Variants in GPLD1 observed in about 807,000 individuals in gnomAD.
GPLD1 encodes the protein glycosylphosphatidylinositol specific phospholipase D1, also known as phosphatidylinositol-glycan-specific phospholipase D.
In GPLD1, 84 loss-of-function variants were observed where a neutral mutation model predicts 112.6. The ratio of observed to expected loss-of-function variants is 0.75; its 90% CI spans 0.63 to 0.89. The LOEUF (loss-of-function observed/expected upper bound fraction) is 0.89, where lower values mean the gene tolerates loss of function less well. Among genes scored for constraint, GPLD1 ranks in the 40% least tolerant of loss-of-function variants. The pLI is 0.00. For synonymous variants in GPLD1, 386 were observed against 403.8 expected, an observed-to-expected ratio of 0.96 and a Z score of 0.53; for missense variants, 1,044 against 1,051.5, an observed-to-expected ratio of 0.99 and a Z score of 0.10.
chr6:24,477,640 G>A (rs1053050477), intron 3 of GPLD1, among the ~76,000 whole-genome samples: 1 of 152,090 alleles, frequency 6.6e-6, no homozygotes, highest in African/African-American at 2.4e-5. Flanking sequence ...TGAGGCAGGA[G>A]GGTTGCTTGA....
chr6:24,465,925 C>G (rs1272636432), intron 10 of GPLD1, among the ~76,000 whole-genome samples: 1 of 152,102 alleles, frequency 6.6e-6, no homozygotes, highest in Non-Finnish European at 1.5e-5. Flanking sequence ...GTGAGGTATC[C>G]TTTGACACCC....
At chr6:24,441,926 T>C (rs1162521458) in intron 20 of GPLD1, among the ~76,000 whole-genome samples, 1 of 150,508 alleles carries the variant, frequency 6.6e-6, no homozygotes, top group Non-Finnish European at 1.5e-5. Flanking sequence ...AACAATAACC[T>C]GATGGTGACA....
chr6:24,485,825 A>T (rs1764354512), intron 2 of GPLD1, among the ~76,000 whole-genome samples: 2 of 151,880 alleles, frequency 1.3e-5, no homozygotes, highest in African/African-American at 2.4e-5. Flanking sequence ...ATGCACCACC[A>T]CGCCCGGCTA....
In GPLD1 at chr6:24,495,026, T is replaced by TG. The variant is rs1397344379; in HGVS notation, n.179dup. On this transcript the variant is annotated non_coding_transcript_exon_variant, in exon 1 of 11. Coordinates refer to the GPLD1 transcript ENST00000474784. ...CGACCTGCATTTGGCTGCGGAGCTG[T>TG]GGGGCCCGGCGCCTCGGGTCGACGT... The TG allele has an allele frequency of 3.7e-5, 50 of 1,343,128 alleles. No homozygotes were observed. The highest frequency in any genetic ancestry group is 4.7e-5 in the Non-Finnish European group (49 of 1,050,580). 83.2% of individuals were successfully genotyped at this position (1,343,128 alleles called of 1,614,324 possible).
Position 24,454,020 on chromosome 6 carries a change from A to C in GPLD1, c.1330T>G (p.Phe444Val). Residue 444 changes from phenylalanine (F) to valine (V), a missense_variant, in exon 14 of 25, where the codon TTC becomes GTC. Transcript: ENST00000230036. ...AGGATGAGATGGTGTCTCACCTGGA[A>C]GCCTTCAAGGATCCTGTGGGCCTCC... is the stretch of plus-strand genomic sequence containing the variant. Reference protein sequence around the residue: ...DKEAHRILEGFQPSGRFGSAL... With the variant: ...DKEAHRILEGVQPSGRFGSAL... 2 of 1,605,800 alleles carry C rather than the reference A, an allele frequency of 1.2e-6. No individual in the cohort carries two copies. The highest frequency in any genetic ancestry group is 1.7e-6 in the Non-Finnish European group (2 of 1,174,038).
In GPLD1 at chr6:24,437,203, G is replaced by T. The variant is rs766572741; in HGVS notation, c.2107C>A (p.Pro703Thr). 1.2e-6 allele frequency: 2 copies of T among 1,614,044 alleles called. No individual in the cohort carries two copies. The highest frequency in any genetic ancestry group is 2.2e-5 in the East Asian group (1 of 44,882). ...CCGCTGAAGGTGCTGAGCAGCAGAG[G>T]CTGCGCGTCAGATGTGAGTGCGTAC... The part of the protein sequence containing the change: ...RMYALTSDAQ[P>T]LLLSTFSGDR... The change falls in exon 21 of 25, where the codon CCT (proline) becomes ACT (threonine). Residue 703 changes from proline to threonine, a missense_variant. Pro to Thr is a conservative substitution (Grantham distance 38, BLOSUM62 -1). Coordinates refer to ENST00000230036, the MANE Select transcript of GPLD1 (RefSeq NM_001503.4).
Position 24,429,057 on chromosome 6 carries a change from T to G in GPLD1, c.2498A>C (p.His833Pro). The G allele has an allele frequency of 6.2e-7, 1 of 1,613,446 alleles. No homozygotes were observed. The highest frequency in any genetic ancestry group is 1.1e-5 in the South Asian group (1 of 91,014). ...TCAATCTGAGCCAAGGCTATAGACG[T>G]GAAGTGCCCCGGAGAGTCGGGCTCC... ...SLGARLSGAL[H>P]VYSLGSD The change falls in exon 25 of 25, where the codon CAC (histidine) becomes CCC (proline). Residue 833 changes from histidine to proline, a missense_variant. Transcript: ENST00000230036.
chr6:24,474,613 G>A (rs932525083), intron 5 of GPLD1, among the ~76,000 whole-genome samples: 3 of 152,114 alleles, frequency 2.0e-5, no homozygotes, highest in African/African-American at 7.2e-5. Flanking sequence ...CTCTGCTCTT[G>A]TGGATGAATC....
At chr6:24,467,472 A>C (rs1763657134) in intron 7 of GPLD1, among the ~76,000 whole-genome samples, 198 bp from the exon 8 acceptor site, 1 of 152,226 alleles carries the variant, frequency 6.6e-6, no homozygotes, top group Non-Finnish European at 1.5e-5. Context: ...ACATAAGAAG[A>C]AATGATTAAG....
chr6:24,472,556 C>CATAA lies in GPLD1; in HGVS notation c.545+25_545+26insTTAT, dbSNP rs370054303. On this transcript the variant is annotated intron_variant, in intron 7 of 24. Coordinates refer to ENST00000230036, the MANE Select transcript of GPLD1 (RefSeq NM_001503.4). ...GGCTCTAAATGCCACTTAGATACCA[C>CATAA]ATATTTAGATGTACATTGCTCTTAC... The CATAA allele has an allele frequency of 9.3e-6, 13 of 1,398,866 alleles. No homozygotes were observed. The African/African-American group carries it at 1.8e-4, about 20-fold the overall frequency. The allele number at this position is 1,398,866 out of a possible 1,614,324, so 86.7% of individuals were successfully genotyped here. A position where few individuals can be genotyped will look rare whatever the true frequency, so the allele number is the denominator to read the frequency against.
Position 24,445,776 on chromosome 6 carries a change from C to T in GPLD1, c.1876G>A (p.Gly626Ser). 4 of 1,613,888 alleles carry T rather than the reference C, an allele frequency of 2.5e-6. No homozygotes were observed. The highest frequency in any genetic ancestry group is 3.4e-6 in the Non-Finnish European group (4 of 1,179,952). The change falls in exon 19 of 25, where the codon GGC becomes AGC. Residue 626 changes from glycine to serine, a missense_variant. Physicochemically the swap from Gly to Ser is moderately conservative, Grantham distance 56 (BLOSUM62 0). Transcript: ENST00000230036. ...DEKKSLGRVY[G>S]YFPPNGQSWF... The stretch of plus-strand genomic sequence containing the variant: ...CTTTGGCCGTTTGGTGGGAAGTAGC[C>T]ATACACCCTCCCAAGGCTCTTTTTC...
At chr6:24,476,584 A>C (rs1461751367) in intron 3 of GPLD1, among the ~76,000 whole-genome samples, 1 of 152,150 alleles carries the variant, frequency 6.6e-6, no homozygotes, top group Non-Finnish European at 1.5e-5. Context: ...AATTGTTTCC[A>C]TTTCTGTGCC....
At chr6:24,477,078 C>G (rs1764046811) in intron 3 of GPLD1, among the ~76,000 whole-genome samples, 1 of 151,762 alleles carries the variant, frequency 6.6e-6, no homozygotes, top group African/African-American at 2.4e-5. Flanking sequence ...TTTGCTCCCA[C>G]AGTTTTCCTA....
chr6:24,445,188 T>G (rs1443426946), intron 20 of GPLD1, among the ~76,000 whole-genome samples: 1 of 151,910 alleles, frequency 6.6e-6, no homozygotes, highest in Non-Finnish European at 1.5e-5. Flanking sequence ...CCACCACACC[T>G]GGCTAATTTT....
intron 20 of GPLD1, 66 bp downstream of exon 20, chr6:24,445,480 C>T: frequency 9.8e-7 from 1 of 1,018,462 alleles, no homozygotes; most frequent in South Asian, 1.3e-5. Context: ...TCACTTTCCT[C>T]CAATACGACA....
intron 2 of GPLD1, among the ~76,000 whole-genome samples, chr6:24,484,356 T>C (rs1037672152): frequency 2.0e-5 from 3 of 152,098 alleles, no homozygotes; most frequent in Non-Finnish European, 4.4e-5. Context: ...GACTAGACTA[T>C]AGGTGTCTGC....
intron 3 of GPLD1, among the ~76,000 whole-genome samples, chr6:24,476,682 C>T (rs937024515): frequency 2.6e-5 from 4 of 152,158 alleles, no homozygotes; most frequent in Non-Finnish European, 5.9e-5. Context: ...CAGTCAGCCT[C>T]CTTAAGAGTA....
chr6:24,458,528 C>A (rs369697505), intron 12 of GPLD1, among the ~76,000 whole-genome samples: 1 of 149,970 alleles, frequency 6.7e-6, no homozygotes, highest in Non-Finnish European at 1.5e-5. Context: ...CCGGTCCGGA[C>A]CAGCTACATA....
intron 2 of GPLD1, among the ~76,000 whole-genome samples, chr6:24,482,439 C>A (rs1468485837): frequency 9.7e-6 from 1 of 103,436 alleles, no homozygotes; most frequent in African/African-American, 4.6e-5. Context: ...GGTCACCACG[C>A]CCAGCTAATT....
Sources: gnomAD v4.1 joint callset for allele counts (sites outside exome capture counted in the v4.1 genomes callset) on GRCh38, gnomAD v4.1.1 for gene constraint, MANE v1.5 for transcripts, NCBI Gene and HGNC (gene_info 2026-07-23, HGNC 2026-07-21) for gene names.